Variants in PRRC2B observed in about 807,000 individuals in gnomAD.
PRRC2B encodes the protein proline rich coiled-coil 2B.
Under a neutral mutation model 242.3 loss-of-function variants are expected in PRRC2B, and 68 were observed. That is an observed-to-expected ratio of 0.28 (90% CI 0.23 to 0.34). PRRC2B has a LOEUF of 0.34. Ranked by LOEUF, PRRC2B falls within the 10% of genes least tolerant of loss-of-function variation. PRRC2B has a pLI of 1.00. For missense variants in PRRC2B, 2,835 were observed against 2,954.8 expected (o/e 0.96, Z 0.94); for synonymous variants, 1,228 against 1,173.6 (o/e 1.05, Z -0.95).
At chr9:131,444,102 C>T (rs1019721889) in intron 5 of PRRC2B, 83 bp from the exon 6 acceptor site, 14 of 1,507,564 alleles carry the variant, frequency 9.3e-6, no homozygotes, top group Middle Eastern at 1.7e-4. Flanking sequence ...CCAGGCAACA[C>T]GGCTTTCAAG....
chr9:131,492,113 G>A, intron 29 of PRRC2B, 56 bp from the exon 30 acceptor site: 2 of 1,356,278 alleles, frequency 1.5e-6, no homozygotes, highest in Non-Finnish European at 1.1e-6. Flanking sequence ...GTAAGTGTGT[G>A]GTCCAGCTGT....
chr9:131,478,635 T>TGGGGGGCGGG lies in PRRC2B; in HGVS notation c.4758+22_4758+23insCGGGGGGGGG. On this transcript the variant is annotated intron_variant, in intron 18 of 31. Coordinates refer to ENST00000683519, the MANE Select transcript of PRRC2B (RefSeq NM_013318.4). ...GGCCGTGCAGGTGAGGGGCGGAGGG[T>TGGGGGGCGGG]GGGGGGGCATGGGGCTGGAGGGCAG... 5.7e-6 allele frequency: 1 copy of TGGGGGGCGGG among 176,698 alleles called. No individual in the cohort carries two copies. The allele number at this position is 176,698 out of a possible 1,614,324, so 10.9% of individuals were successfully genotyped here.
At chr9:131,392,649 G>A (rs1337071186), upstream of PRRC2B, among the ~76,000 whole-genome samples, 2 of 151,992 alleles carry the variant, frequency 1.3e-5, no homozygotes, top group African/African-American at 4.8e-5. Context: ...CAGAGTGGCC[G>A]GCACTGTAAT....
chr9:131,383,074 C>A (rs1836782048), intron 1 of PRRC2B, among the ~76,000 whole-genome samples: 1 of 152,152 alleles, frequency 6.6e-6, no homozygotes, highest in African/African-American at 2.4e-5. Context: ...CATGCTGGTC[C>A]CTCCATCTGG....
At chr9:131,411,318 TG>T (rs1837500247) in intron 1 of PRRC2B, among the ~76,000 whole-genome samples, 1 of 148,652 alleles carries the variant, frequency 6.7e-6, no homozygotes, top group African/African-American at 2.5e-5. Flanking sequence ...TTCTTTTTTT[TG>T]TTTGTTTTTT....
chr9:131,417,862 C>T lies in PRRC2B; in HGVS notation c.-51-12232C>T, dbSNP rs188046956. Among the ~76,000 whole-genome samples the T allele has an allele frequency of 3.9e-5, 6 of 152,308 alleles. No individual in the cohort carries two copies. The East Asian group carries it at 1.2e-3, about 29-fold the overall frequency. Reference sequence around the variant, plus strand: ...TGTGGGAGTATTTTTGTCCGAGCACCACTCGACTGCCTTTTCCCCATGATC... The same window carrying T: ...TGTGGGAGTATTTTTGTCCGAGCACTACTCGACTGCCTTTTCCCCATGATC... On this transcript the variant is annotated intron_variant, in intron 1 of 31. Coordinates refer to ENST00000683519, the MANE Select transcript of PRRC2B (RefSeq NM_013318.4).
At chr9:131,423,498 G>A (rs540987237) in intron 1 of PRRC2B, among the ~76,000 whole-genome samples, 7 of 152,366 alleles carry the variant, frequency 4.6e-5, no homozygotes, top group African/African-American at 1.7e-4. Flanking sequence ...GGGGCCAGAT[G>A]CTTGTGGGCG....
intron 1 of PRRC2B, among the ~76,000 whole-genome samples, chr9:131,388,540 C>CT (rs1269816292): frequency 6.7e-6 from 1 of 148,662 alleles, no homozygotes; most frequent in Admixed American, 7.1e-5. Context: ...ACGCCCAGCA[C>CT]TTTTTTTCTT....
chr9:131,421,712 C>G (rs1837847110), intron 1 of PRRC2B, among the ~76,000 whole-genome samples: 1 of 152,148 alleles, frequency 6.6e-6, no homozygotes, highest in African/African-American at 2.4e-5. Context: ...CTCTAGGTGC[C>G]CACATGTGAA....
intron 3 of PRRC2B, among the ~76,000 whole-genome samples, chr9:131,433,407 GGCATGGT>G (rs1361144702): frequency 2.6e-5 from 4 of 152,224 alleles, no homozygotes; most frequent in African/African-American, 9.6e-5. Context: ...GGCAGAGGGT[GGCATGGT>G]GCTGTCAATC....
rs549380951 is a variant in PRRC2B at position 131,380,504 on chromosome 9, G to A, written c.-56+6773G>A. Among the ~76,000 whole-genome samples, 8 of 148,918 alleles carry A rather than the reference G, an allele frequency of 5.4e-5. No individual in the cohort carries two copies. The South Asian group carries it at 1.1e-3, about 20-fold the overall frequency. On this transcript the variant is annotated intron_variant, in intron 1 of 1. Transcript: ENST00000682525. ...TGAGGCAGGAGAATCCCTTGAACCC[G>A]GGAGGCGGAGGTTGCAGTGAGCTGA...
intron 1 of PRRC2B, among the ~76,000 whole-genome samples, chr9:131,429,239 G>A (rs1838058949): frequency 6.6e-6 from 1 of 152,130 alleles, no homozygotes; most frequent in Admixed American, 6.5e-5. Flanking sequence ...GAACCACCAC[G>A]CCCAGCCAGG....
chr9:131,476,464 T>C lies in PRRC2B; in HGVS notation c.4335T>C (p.Val1445=). The C allele has an allele frequency of 6.2e-7, 1 of 1,613,376 alleles. No individual in the cohort carries two copies. The highest frequency in any genetic ancestry group is 2.2e-5 in the East Asian group (1 of 44,868). The change falls in exon 16 of 32, where the codon GTT becomes GTC. Residue 1445 remains valine, a synonymous_variant. Transcript: ENST00000683519. ...LEPGGFGEKP[V]RPGGGDTSPR... is the part of the protein sequence containing the mutation. ...CGGGAGGGTTTGGGGAGAAGCCCGT[T>C]AGGCCAGGTGGTGGTGACACCTCCC...
intron 3 of PRRC2B, 148 bp from the exon 4 acceptor site, chr9:131,436,472 A>T: frequency 1.7e-6 from 1 of 574,954 alleles, no homozygotes; most frequent in Non-Finnish European, 3.0e-6. Flanking sequence ...TTGCCAGCAT[A>T]AGAATCTACT....
chr9:131,490,736 C>T (rs1944168017), intron 28 of PRRC2B: 1 of 386,192 alleles, frequency 2.6e-6, no homozygotes, highest in Non-Finnish European at 5.2e-6. Context: ...GAATCCAGCC[C>T]AGTCTTGTTT....
At chr9:131,415,686 A>C (rs1837628755) in intron 1 of PRRC2B, among the ~76,000 whole-genome samples, 1 of 152,224 alleles carries the variant, frequency 6.6e-6, no homozygotes, top group South Asian at 2.1e-4. Flanking sequence ...ACTGGTAAGA[A>C]GTCTCCATCA....
chr9:131,411,021 C>T (rs148906496), intron 1 of PRRC2B, among the ~76,000 whole-genome samples: 4 of 152,158 alleles, frequency 2.6e-5, no homozygotes, highest in East Asian at 1.9e-4. Flanking sequence ...TCTGGGAGGC[C>T]GAGGAGGGCG....
At chr9:131,394,749 G>A (rs1364585541) in intron 1 of PRRC2B, among the ~76,000 whole-genome samples, 16 of 151,890 alleles carry the variant, frequency 1.1e-4, no homozygotes, top group Non-Finnish European at 2.2e-4. Context: ...TGGGTCCGGG[G>A]CGCTGAGCGG....
chr9:131,486,293 CT>C, intron 26 of PRRC2B, 111 bp downstream of exon 26: 1 of 894,834 alleles, frequency 1.1e-6, no homozygotes, highest in Non-Finnish European at 1.7e-6. Flanking sequence ...TTCCATCCCC[CT>C]CACATGTGGT....
Sources: allele counts gnomAD v4.1 joint callset (sites outside exome capture counted in the v4.1 genomes callset), GRCh38; gene constraint gnomAD v4.1.1; transcripts MANE v1.5; gene names NCBI Gene and HGNC (gene_info 2026-07-23, HGNC 2026-07-21).